Variants in STPG2 observed in about 807,000 individuals in gnomAD.
The protein encoded by STPG2 is sperm-tail PG-rich repeat-containing protein 2.
STPG2 carries 56 observed loss-of-function variants against 54.2 expected under a neutral mutation model. The ratio of observed to expected loss-of-function variants is 1.03; its 90% CI spans 0.83 to 1.29. STPG2 has a LOEUF of 1.29. STPG2 is among the 50% of genes most tolerant of loss of function. The probability of loss-of-function intolerance (pLI) is 0.00; values close to 1 mark genes in which losing one functional copy is unlikely to be tolerated. For missense variants in STPG2, 596 were observed against 544.9 expected, an observed-to-expected ratio of 1.09 and a Z score of -0.93; for synonymous variants, 200 against 181.8, an observed-to-expected ratio of 1.10 and a Z score of -0.81.
chr4:97,704,142 C>T (rs952814072), intron 10 of STPG2, among the ~76,000 whole-genome samples: 1 of 152,106 alleles, frequency 6.6e-6, no homozygotes. Flanking sequence ...CCTTTGGCAA[C>T]ACCCTAACAG....
rs183574485 is a variant in STPG2, at chr4:98,112,165, A to G, written c.388-2860T>C. Among the ~76,000 whole-genome samples the G allele has an allele frequency of 7.4e-4, 113 of 152,248 alleles. 1 individual carries two copies. The highest frequency in any genetic ancestry group is 5.7e-3 in the Admixed American group (87 of 15,272). On this transcript the variant is annotated intron_variant, in intron 3 of 10. Transcript: ENST00000295268. ...TTATGTACCACATAATGATGTTTCA[A>G]TGATGGACTGCATATATGACAATGG...
chr4:97,650,805 C>A (rs1394073798), intron 10 of STPG2, among the ~76,000 whole-genome samples: 2 of 152,182 alleles, frequency 1.3e-5, no homozygotes, highest in African/African-American at 4.8e-5. Context: ...CGAAAGATGG[C>A]TTTGTAGGGC....
chr4:97,479,073 A>G (rs1382667578), intron 4 of STPG2, among the ~76,000 whole-genome samples: 1 of 151,986 alleles, frequency 6.6e-6, no homozygotes, highest in Non-Finnish European at 1.5e-5. Flanking sequence ...TAAATATAAA[A>G]ACAAAAAATT....
At position 97,956,443 on chromosome 4, in the gene STPG2, C is replaced by G. The variant is rs556496565; in HGVS notation, c.934-12436G>C. Among the ~76,000 whole-genome samples the G allele has an allele frequency of 2.6e-4, 39 of 152,224 alleles. No individual in the cohort carries two copies. In the East Asian group the frequency reaches 6.9e-3, roughly 27 times the overall value. Reference sequence around the variant, plus strand: ...GGAGGCAGAACTAGATGGCATCCCACTTGGAAGGACAGAGCAGTGTGTGGA... The same window carrying G: ...GGAGGCAGAACTAGATGGCATCCCAGTTGGAAGGACAGAGCAGTGTGTGGA... On this transcript the variant is annotated intron_variant, in intron 7 of 10. Transcript: ENST00000295268.
intron 10 of STPG2, among the ~76,000 whole-genome samples, chr4:97,578,507 A>T (rs1732780287): frequency 6.6e-6 from 1 of 152,074 alleles, no homozygotes; most frequent in Non-Finnish European, 1.5e-5. Flanking sequence ...AACTCCAGGT[A>T]GATAACGTCA....
chr4:98,039,607 G>A (rs980716331), intron 5 of STPG2, among the ~76,000 whole-genome samples: 12 of 151,178 alleles, frequency 7.9e-5, no homozygotes, highest in African/African-American at 2.2e-4. Flanking sequence ...TACACTAAAA[G>A]CCCAATATTT....
chr4:97,655,912 T>C (rs1722207404), intron 10 of STPG2, among the ~76,000 whole-genome samples: 1 of 152,164 alleles, frequency 6.6e-6, no homozygotes, highest in African/African-American at 2.4e-5. Flanking sequence ...ACACCTTTTG[T>C]TCTAAATTAT....
At chr4:97,923,682 C>T (rs1374999895) in intron 8 of STPG2, among the ~76,000 whole-genome samples, 3 of 152,158 alleles carry the variant, frequency 2.0e-5, no homozygotes, top group South Asian at 4.1e-4. Context: ...TTTTGTCTAG[C>T]TAAGGGATTG....
At chr4:97,796,631 G>T (rs140116067) in intron 9 of STPG2, among the ~76,000 whole-genome samples, 8,394 of 152,216 alleles carry the variant, frequency 0.055, 348 homozygotes, top group South Asian at 0.17. Context: ...AAGTCAGGTA[G>T]CATGATGCCT....
At chr4:97,968,213 C>T (rs544440189) in intron 7 of STPG2, among the ~76,000 whole-genome samples, 33 of 152,102 alleles carry the variant, frequency 2.2e-4, no homozygotes, top group African/African-American at 7.5e-4. Context: ...AAACTACCAT[C>T]AGAGAATACT....
At chr4:97,821,627 C>T (rs868396938) in intron 9 of STPG2, among the ~76,000 whole-genome samples, 1 of 152,234 alleles carries the variant, frequency 6.6e-6, no homozygotes, top group Non-Finnish European at 1.5e-5. Flanking sequence ...CCTGGGCACC[C>T]AGGTTTTCTC....
chr4:97,955,360 G>T (rs1733637582), intron 7 of STPG2, among the ~76,000 whole-genome samples: 1 of 151,980 alleles, frequency 6.6e-6, no homozygotes, highest in South Asian at 2.1e-4. Context: ...AACTACAGGT[G>T]TCTGCCACCA....
intron 4 of STPG2, among the ~76,000 whole-genome samples, chr4:97,524,789 C>A (rs919167300): frequency 2.0e-5 from 3 of 151,948 alleles, no homozygotes; most frequent in Non-Finnish European, 4.4e-5. Flanking sequence ...GTCTTCTGAG[C>A]AAAAGCAAGC....
intron 10 of STPG2, among the ~76,000 whole-genome samples, chr4:97,693,993 C>T (rs1723468919): frequency 6.6e-6 from 1 of 152,092 alleles, no homozygotes; most frequent in Admixed American, 6.5e-5. Context: ...CCTATCAAAA[C>T]ATCTGGGATA....
At chr4:98,063,084 A>G (rs1737712644) in intron 5 of STPG2, among the ~76,000 whole-genome samples, 1 of 152,134 alleles carries the variant, frequency 6.6e-6, no homozygotes, top group Non-Finnish European at 1.5e-5. Flanking sequence ...GAAATAACAA[A>G]GTTTCTTTTT....
chr4:97,830,637 G>A (rs141310427), intron 9 of STPG2, among the ~76,000 whole-genome samples: 308 of 152,176 alleles, frequency 2.0e-3, no homozygotes, highest in African/African-American at 7.2e-3. Flanking sequence ...CCCATCTCAC[G>A]TGCAAAGACA....
chr4:97,855,659 C>G (rs533814734), intron 8 of STPG2, among the ~76,000 whole-genome samples: 2 of 152,106 alleles, frequency 1.3e-5, no homozygotes, highest in Admixed American at 6.5e-5. Flanking sequence ...TGCAGAAGCT[C>G]TTTAGTTCAA....
At chr4:97,589,114 G>A (rs1006112308) in intron 10 of STPG2, among the ~76,000 whole-genome samples, 1 of 151,944 alleles carries the variant, frequency 6.6e-6, no homozygotes, top group Non-Finnish European at 1.5e-5. Flanking sequence ...ATATCTATGT[G>A]TTAATATGGA....
At chr4:98,073,106 T>A (rs977607142) in intron 5 of STPG2, among the ~76,000 whole-genome samples, 5 of 152,218 alleles carry the variant, frequency 3.3e-5, no homozygotes, top group African/African-American at 9.6e-5. Context: ...GGAGTTTTTT[T>A]ATACTTATTT....
Sources: gnomAD v4.1 joint callset for allele counts (sites outside exome capture counted in the v4.1 genomes callset) on GRCh38, gnomAD v4.1.1 for gene constraint, MANE v1.5 for transcripts, NCBI Gene and HGNC (gene_info 2026-07-23, HGNC 2026-07-21) for gene names.